LRRC37A3: variants seen among roughly 807,000 people sequenced by gnomAD.
LRRC37A3 encodes leucine-rich repeat-containing protein 37A3.
A neutral mutation model predicts 106.2 loss-of-function variants in LRRC37A3; 25 were observed. The observed-to-expected ratio is 0.24, with a 90% CI of 0.17 to 0.33. LRRC37A3 has a LOEUF of 0.33. LRRC37A3 is among the 10% of genes least tolerant of loss of function. The pLI, the probability that LRRC37A3 is intolerant of heterozygous loss-of-function variation, is 1.00. For missense variants in LRRC37A3, 712 were observed against 1,644.9 expected (o/e 0.43, Z 9.81); for synonymous variants, 305 against 635.8 (o/e 0.48, Z 7.83).
At chr17:64,864,954 A>G (rs971936755) in intron 10 of LRRC37A3, among the ~76,000 whole-genome samples, 6 of 152,192 alleles carry the variant, frequency 3.9e-5, no homozygotes, top group Non-Finnish European at 7.3e-5. Context: ...GGTACAATGT[A>G]TAGAGTTTTA....
At chr17:64,862,414 C>T (rs1475214500) in intron 11 of LRRC37A3, among the ~76,000 whole-genome samples, 1 of 151,734 alleles carries the variant, frequency 6.6e-6, no homozygotes, top group Non-Finnish European at 1.5e-5. Context: ...GGTTATGGAA[C>T]CAGAAGCTCT....
At chr17:64,872,271 C>T (rs1290923599) in intron 8 of LRRC37A3, among the ~76,000 whole-genome samples, 1 of 140,064 alleles carries the variant, frequency 7.1e-6, no homozygotes, top group Non-Finnish European at 1.5e-5. Flanking sequence ...AGAAATGTAA[C>T]CAAAGTCTTG....
At position 64,870,262 on chromosome 17, in the gene LRRC37A3, G is replaced by A. The variant is rs1018940961; in HGVS notation, c.2907-1096C>T. Among the ~76,000 whole-genome samples, 13 of 151,762 alleles carry A rather than the reference G, an allele frequency of 8.6e-5. 1 individual carries two copies. The highest frequency in any genetic ancestry group is 6.2e-4 in the South Asian group (3 of 4,812). Reference sequence around the variant, plus strand: ...CCCGCCACCATGCCCTGTCATCCCCGTGCCTGGCATGATGTCTGAAATGTA... The same window carrying A: ...CCCGCCACCATGCCCTGTCATCCCCATGCCTGGCATGATGTCTGAAATGTA... On this transcript the variant is annotated intron_variant, in intron 8 of 14. Transcript: ENST00000584306.
intron 2 of LRRC37A3, among the ~76,000 whole-genome samples, chr17:64,912,566 T>C (rs946085503): frequency 6.6e-6 from 1 of 151,278 alleles, no homozygotes; most frequent in African/African-American, 2.4e-5. Flanking sequence ...AATCCAAAAA[T>C]AGGCAGAAAA....
intron 8 of LRRC37A3, among the ~76,000 whole-genome samples, chr17:64,877,394 G>C: frequency 6.6e-6 from 1 of 151,864 alleles, no homozygotes; most frequent in East Asian, 1.9e-4. Context: ...TAGACATGGG[G>C]TTTCACCATG....
chr17:64,866,609 TATATATATATATATATATA>T (rs1426673679), intron 10 of LRRC37A3, among the ~76,000 whole-genome samples: 38 of 20,188 alleles, frequency 1.9e-3, no homozygotes, highest in Middle Eastern at 0.048. Context: ...TATATATATA[TATATATATATATATATATA>T]TTTTTTTTTT....
Position 64,859,931 on chromosome 17 carries a change from G to A in LRRC37A3, c.4215C>T (p.Asn1405=). Residue 1405 remains asparagine, a synonymous_variant, in exon 12 of 15, where the codon AAC becomes AAT. Transcript: ENST00000584306. ...AGATGGTTCCTTCTGGCATGTTAGT[G>A]TTTTCCATAAAAACATTTTCTTCAA... The part of the protein sequence containing the change: ...NAFEENVFME[N]TNMPEGTISE... 6.2e-7 allele frequency: 1 copy of A among 1,613,720 alleles called. No homozygotes were observed.
chr17:64,864,626 C>A (rs1291560546), intron 10 of LRRC37A3, among the ~76,000 whole-genome samples: 2 of 151,708 alleles, frequency 1.3e-5, no homozygotes, highest in Admixed American at 1.3e-4. Context: ...ATTAAGAATA[C>A]AGATTCCATA....
chr17:64,904,465 AC>A (rs1397623594), intron 2 of LRRC37A3, among the ~76,000 whole-genome samples: 2 of 151,252 alleles, frequency 1.3e-5, no homozygotes, highest in Non-Finnish European at 2.9e-5. Context: ...ACAGAGCAAG[AC>A]CCTGTCTCTA....
At chr17:64,875,132 CTG>C (rs1973466656) in intron 8 of LRRC37A3, among the ~76,000 whole-genome samples, 1 of 152,052 alleles carries the variant, frequency 6.6e-6, no homozygotes, top group Non-Finnish European at 1.5e-5. Flanking sequence ...ACAAAAAAAA[CTG>C]GGCATGGTGG....
At chr17:64,909,716 G>C (rs535518491) in intron 2 of LRRC37A3, 20 of 152,416 alleles carry the variant, frequency 1.3e-4, no homozygotes, top group African/African-American at 4.8e-4. Flanking sequence ...GATTACAACA[G>C]GATTGATGCA....
chr17:64,877,829 T>C (rs1264472924), intron 8 of LRRC37A3, among the ~76,000 whole-genome samples: 1 of 152,098 alleles, frequency 6.6e-6, no homozygotes, highest in African/African-American at 2.4e-5. Flanking sequence ...AGAATAGAAT[T>C]GACAACCCAG....
intron 10 of LRRC37A3, among the ~76,000 whole-genome samples, chr17:64,864,617 T>C (rs1420582121): frequency 6.6e-6 from 1 of 151,890 alleles, no homozygotes; most frequent in Non-Finnish European, 1.5e-5. Flanking sequence ...AGCATGGTCA[T>C]TAAGAATACA....
In LRRC37A3 at chr17:64,859,672, T is replaced by C. The variant is rs1356322475; in HGVS notation, c.4474A>G (p.Arg1492Gly). 1 of 1,613,792 alleles carries C rather than the reference T, an allele frequency of 6.2e-7. No homozygotes were observed. Among genetic ancestry groups the C allele is most frequent in the Non-Finnish European group, 8.5e-7 (1 of 1,180,004 alleles). Residue 1492 changes from arginine to glycine, a missense_variant, in exon 12 of 15, where the codon AGG becomes GGG. Coordinates refer to ENST00000584306, the MANE Select transcript of LRRC37A3 (RefSeq NM_199340.5). ...GTCCGGATAACATGAGCAATGAGCC[T>C]TCTCACATTGTTGTTGGGGATAACG... ...QSVIPNNNVR[R>G]LIAHVIRTLK...
chr17:64,892,256 G>GAAAAAAAAAAAAAAAAA (rs1232916699), intron 5 of LRRC37A3, among the ~76,000 whole-genome samples: 1 of 670 alleles, frequency 1.5e-3, no homozygotes, highest in Non-Finnish European at 2.3e-3. Flanking sequence ...CCCTGTCTCT[G>GAAAAAAAAAAAAAAAAA]AAAAAAAAAA....
At chr17:64,914,276 G>C in intron 2 of LRRC37A3, among the ~76,000 whole-genome samples, 1 of 151,958 alleles carries the variant, frequency 6.6e-6, no homozygotes, top group Non-Finnish European at 1.5e-5. Context: ...GTGCACAAAG[G>C]GGCTGGGCGC....
chr17:64,869,194 C>A (rs779111945), intron 8 of LRRC37A3, 28 bp from the exon 9 acceptor site: 20 of 1,608,800 alleles, frequency 1.2e-5, no homozygotes, highest in Non-Finnish European at 1.6e-5. Flanking sequence ...ATTAAAATAA[C>A]CTGCATTTTC....
At chr17:64,874,357 G>A (rs1179883378) in intron 8 of LRRC37A3, among the ~76,000 whole-genome samples, 1 of 151,100 alleles carries the variant, frequency 6.6e-6, no homozygotes, top group African/African-American at 2.4e-5. Context: ...GACGTGAGGA[G>A]CCCCTACGCC....
intron 11 of LRRC37A3, among the ~76,000 whole-genome samples, chr17:64,861,629 G>A (rs1158365092): frequency 6.6e-6 from 1 of 152,192 alleles, no homozygotes; most frequent in East Asian, 1.9e-4. Context: ...GGGATTTGGG[G>A]TGTATGTTAA....
Sources: gnomAD v4.1 joint callset for allele counts (sites outside exome capture counted in the v4.1 genomes callset) on GRCh38, gnomAD v4.1.1 for gene constraint, MANE v1.5 for transcripts, NCBI Gene and HGNC (gene_info 2026-07-23, HGNC 2026-07-21) for gene names.